Variants in SLIT3 observed in about 807,000 individuals in gnomAD.
SLIT3 encodes slit homolog 3 protein.
SLIT3 carries 68 observed loss-of-function variants against 184.0 expected under a neutral mutation model. The ratio of observed to expected loss-of-function variants is 0.37; its 90% CI spans 0.30 to 0.45. The LOEUF is 0.45. SLIT3 is among the 20% of genes least tolerant of loss of function. The pLI, the probability that SLIT3 is intolerant of heterozygous loss-of-function variation, is 1.00. For synonymous variants in SLIT3, 831 were observed against 828.6 expected (o/e 1.00, Z -0.05); for missense variants, 1,707 against 2,026.0 (o/e 0.84, Z 3.02).
At chr5:168,675,409 A>G (rs1761375248) in intron 32 of SLIT3, among the ~76,000 whole-genome samples, 1 of 152,198 alleles carries the variant, frequency 6.6e-6, no homozygotes, top group African/African-American at 2.4e-5. Context: ...GGGTATACTG[A>G]AGAAAACAGA....
At chr5:169,070,161 G>A (rs1165861075) in intron 4 of SLIT3, among the ~76,000 whole-genome samples, 1 of 152,192 alleles carries the variant, frequency 6.6e-6, no homozygotes, top group Non-Finnish European at 1.5e-5. Flanking sequence ...GCAATACAGA[G>A]AAAGGGGGAC....
chr5:168,698,563 A>G (rs1762125208), intron 27 of SLIT3, among the ~76,000 whole-genome samples: 1 of 152,148 alleles, frequency 6.6e-6, no homozygotes, highest in Non-Finnish European at 1.5e-5. Context: ...TTGATTTGGA[A>G]CTTCTATCCT....
chr5:169,145,123 C>T (rs1047493505), intron 4 of SLIT3, among the ~76,000 whole-genome samples: 3 of 152,084 alleles, frequency 2.0e-5, no homozygotes, highest in Admixed American at 6.5e-5. Context: ...ATCAGAAGCC[C>T]GACTTTGGAG....
rs373322974 is a variant in SLIT3 at position 169,114,119 on chromosome 5, C to A, written c.413+79360G>T. On this transcript the variant is annotated intron_variant, in intron 4 of 35. Transcript: ENST00000519560. ...AGCTCAACTACCCTCCCCCACCTAG[C>A]TGGGCTGGGACCATGTGACTGCAGT... 9.2e-4 allele frequency among the ~76,000 whole-genome samples: 140 copies of A among 152,332 alleles called. 3 individuals are homozygous for A. The South Asian group carries it at 0.018, about 20-fold the overall frequency.
At chr5:168,704,930 T>C (rs569293810) in intron 26 of SLIT3, among the ~76,000 whole-genome samples, 1 of 152,300 alleles carries the variant, frequency 6.6e-6, no homozygotes, top group South Asian at 2.1e-4. Context: ...AGCAGGGACA[T>C]AGCACAGAGA....
chr5:169,222,240 C>T (rs1764639434), intron 3 of SLIT3, among the ~76,000 whole-genome samples: 1 of 152,056 alleles, frequency 6.6e-6, no homozygotes, highest in Non-Finnish European at 1.5e-5. Context: ...TAAATGTCTG[C>T]TATATCTTTG....
At chr5:169,065,466 T>C (rs911082210) in intron 4 of SLIT3, among the ~76,000 whole-genome samples, 5 of 152,224 alleles carry the variant, frequency 3.3e-5, no homozygotes, top group African/African-American at 1.2e-4. Context: ...GAAGTGTTTG[T>C]AGAGTTGAGC....
rs188408780 is a variant in SLIT3 at position 168,985,090 on chromosome 5, T to C, written c.414-101754A>G. Among the ~76,000 whole-genome samples, 59 of 152,346 alleles carry C rather than the reference T, an allele frequency of 3.9e-4. No homozygotes were observed. In the Middle Eastern group the frequency reaches 0.017, roughly 44 times the overall value. On this transcript the variant is annotated intron_variant, in intron 4 of 35. Coordinates refer to ENST00000519560, the MANE Select transcript of SLIT3 (RefSeq NM_003062.4). ...AATTACTTGACCCCCAACTGTGTTC[T>C]CTACTAGACATGAATTCTCTAAGAT...
At chr5:169,242,375 T>C (rs1434119318) in intron 3 of SLIT3, among the ~76,000 whole-genome samples, 3 of 152,224 alleles carry the variant, frequency 2.0e-5, no homozygotes, top group Non-Finnish European at 2.9e-5. Flanking sequence ...CTCTACTTCC[T>C]GGGCACAAAG....
At chr5:169,159,822 T>C (rs539725164) in intron 4 of SLIT3, among the ~76,000 whole-genome samples, 33 of 152,198 alleles carry the variant, frequency 2.2e-4, no homozygotes, top group African/African-American at 7.7e-4. Flanking sequence ...TACGCTAACG[T>C]GATATAAGCA....
chr5:168,997,552 G>A (rs936116261), intron 4 of SLIT3, among the ~76,000 whole-genome samples: 5 of 152,128 alleles, frequency 3.3e-5, no homozygotes, highest in African/African-American at 9.7e-5. Context: ...AGTCATGGCC[G>A]CGTGGCTTTC....
At chr5:168,772,477 C>T (rs1435397323) in intron 14 of SLIT3, 3 of 400,288 alleles carry the variant, frequency 7.5e-6, no homozygotes, top group Non-Finnish European at 1.3e-5. Flanking sequence ...GTGCAAAGGC[C>T]GCCCCAGCCC....
intron 26 of SLIT3, among the ~76,000 whole-genome samples, chr5:168,701,926 C>T (rs1056720445): frequency 6.6e-6 from 1 of 152,340 alleles, no homozygotes; most frequent in Admixed American, 6.5e-5. Context: ...ACGCTGCAGC[C>T]AACTGGGCTG....
chr5:169,257,675 C>A (rs1766018916), intron 1 of SLIT3, among the ~76,000 whole-genome samples: 1 of 151,384 alleles, frequency 6.6e-6, no homozygotes, highest in Admixed American at 6.6e-5. Context: ...GCCTCAGCCT[C>A]CCAAGTAACT....
At chr5:169,249,982 A>T (rs1034779529) in intron 2 of SLIT3, among the ~76,000 whole-genome samples, 4 of 152,222 alleles carry the variant, frequency 2.6e-5, no homozygotes, top group Non-Finnish European at 5.9e-5. Context: ...ACAAGCCCCC[A>T]CATTATCAGT....
intron 4 of SLIT3, among the ~76,000 whole-genome samples, chr5:168,899,371 G>A (rs900562998): frequency 2.0e-5 from 3 of 152,070 alleles, no homozygotes; most frequent in East Asian, 1.9e-4. Flanking sequence ...AAAAATAGCC[G>A]GGCATGGTGG....
intron 4 of SLIT3, among the ~76,000 whole-genome samples, chr5:169,046,785 C>A (rs1413208475): frequency 6.6e-6 from 1 of 152,108 alleles, no homozygotes; most frequent in African/African-American, 2.4e-5. Flanking sequence ...AAATTAAAAT[C>A]AAAAGTGATT....
intron 4 of SLIT3, among the ~76,000 whole-genome samples, chr5:168,936,939 C>A (rs1038640258): frequency 2.0e-5 from 3 of 152,166 alleles, no homozygotes; most frequent in Admixed American, 6.5e-5. Flanking sequence ...AGAGATTAAA[C>A]AACTATACAA....
rs75740151 is a variant in SLIT3 at position 169,009,256 on chromosome 5, C to T, written c.414-125920G>A. 7.9e-3 allele frequency among the ~76,000 whole-genome samples: 1,199 copies of T among 152,258 alleles called. 21 individuals carry two copies. The highest frequency in any genetic ancestry group is 0.027 in the African/African-American group (1,136 of 41,534). ...TGTCCTCCCCTGCACCTTTAGAGAC[C>T]AACAACCTGCTAATTCGCTTCTCAG... is the stretch of plus-strand genomic sequence containing the variant. On this transcript the variant is annotated intron_variant, in intron 4 of 35. Coordinates refer to ENST00000519560, the MANE Select transcript of SLIT3 (RefSeq NM_003062.4).
Sources: allele counts gnomAD v4.1 joint callset (sites outside exome capture counted in the v4.1 genomes callset), GRCh38; gene constraint gnomAD v4.1.1; transcripts MANE v1.5; gene names NCBI Gene and HGNC (gene_info 2026-07-23, HGNC 2026-07-21).